The following HMGA2 variants were observed in gnomAD, a reference collection of about 807,000 sequenced individuals.
The protein encoded by HMGA2 is high mobility group protein HMGI-C.
HMGA2 carries 8 observed loss-of-function variants against 19.1 expected under a neutral mutation model. The ratio of observed to expected loss-of-function variants is 0.42; its 90% confidence interval spans 0.25 to 0.76. The LOEUF (loss-of-function observed/expected upper bound fraction) is 0.76. HMGA2 is among the 30% of genes least tolerant of loss of function. HMGA2 has a pLI of 0.28. For missense variants in HMGA2, 109 were observed against 136.3 expected (o/e 0.80, Z 1.00); for synonymous variants, 60 against 48.8 (o/e 1.23, Z -0.96).
At chr12:65,856,660 G>C (rs1003675005) in intron 3 of HMGA2, 1 of 152,352 alleles carries the variant, frequency 6.6e-6, no homozygotes, top group African/African-American at 2.4e-5. Flanking sequence ...GAAACTGGAA[G>C]TCTGACATCA....
intron 3 of HMGA2, among the ~76,000 whole-genome samples, chr12:65,933,074 T>G: frequency 6.6e-6 from 1 of 152,070 alleles, no homozygotes; most frequent in East Asian, 1.9e-4. Context: ...CTTATCACTT[T>G]GAGAAGTTCA....
At chr12:65,900,292 G>T (rs1304627218) in intron 3 of HMGA2, among the ~76,000 whole-genome samples, 10 of 152,106 alleles carry the variant, frequency 6.6e-5, no homozygotes, top group Admixed American at 6.6e-5. Context: ...TGTACATGAA[G>T]ATTTTGTTAA....
chr12:65,941,661 G>C (rs1876095688), intron 3 of HMGA2, among the ~76,000 whole-genome samples: 1 of 152,202 alleles, frequency 6.6e-6, no homozygotes, highest in African/African-American at 2.4e-5. Context: ...TTAAGGAAAA[G>C]AAATGCCTAA....
chr12:65,945,595 G>A (rs754404506), intron 3 of HMGA2, among the ~76,000 whole-genome samples: 8 of 152,172 alleles, frequency 5.3e-5, no homozygotes, highest in Middle Eastern at 3.4e-3. Flanking sequence ...GGGTGAAGAA[G>A]GATATTGTTC....
At chr12:65,865,428 G>A (rs182491654) in intron 3 of HMGA2, among the ~76,000 whole-genome samples, 1 of 152,110 alleles carries the variant, frequency 6.6e-6, no homozygotes. Context: ...AGTAATAATT[G>A]AACATATGTA....
At chr12:65,870,939 G>A (rs1872680444) in intron 3 of HMGA2, among the ~76,000 whole-genome samples, 2 of 152,270 alleles carry the variant, frequency 1.3e-5, no homozygotes, top group South Asian at 4.1e-4. Flanking sequence ...GTGGTAGCAG[G>A]TCACAGGGGC....
At chr12:65,885,668 A>T (rs1873626365) in intron 3 of HMGA2, among the ~76,000 whole-genome samples, 1 of 152,210 alleles carries the variant, frequency 6.6e-6, no homozygotes. Flanking sequence ...TGCACCTGAC[A>T]GCACATGCCA....
At chr12:65,893,588 G>A (rs920503595) in intron 3 of HMGA2, among the ~76,000 whole-genome samples, 1 of 152,200 alleles carries the variant, frequency 6.6e-6, no homozygotes, top group Non-Finnish European at 1.5e-5. Context: ...TAGGGTTTCA[G>A]AGGTAGCGGC....
Position 65,951,395 on chromosome 12 carries a change from G to A in HMGA2, c.262G>A (p.Val88Ile). The A allele has an allele frequency of 6.5e-7, 1 of 1,529,902 alleles. No individual in the cohort carries two copies. Among genetic ancestry groups the A allele is most frequent in the Non-Finnish European group, 8.8e-7 (1 of 1,131,800 alleles). The allele number at this position is 1,529,902 out of a possible 1,614,324, so 94.8% of individuals were successfully genotyped here. Reference sequence around the variant, plus strand: ...TTTTCCTCCTTAGCCACAACAAGTTGTTCAGAAGAAGCCTGCTCAGGTAAG... The same window carrying A: ...TTTTCCTCCTTAGCCACAACAAGTTATTCAGAAGAAGCCTGCTCAGGTAAG... ...GRPRKWPQQV[V>I]QKKPAQEETE... Residue 88 changes from valine to isoleucine, a missense_variant, in exon 4 of 5, where the codon GTT becomes ATT. Transcript: ENST00000403681.
At chr12:65,920,390 A>G (rs1875263261) in intron 3 of HMGA2, among the ~76,000 whole-genome samples, 1 of 152,192 alleles carries the variant, frequency 6.6e-6, no homozygotes, top group Non-Finnish European at 1.5e-5. Context: ...GAAAATCTAG[A>G]ATAAAAAAAG....
intron 3 of HMGA2, among the ~76,000 whole-genome samples, chr12:65,855,252 G>C (rs1386099088): frequency 6.6e-6 from 1 of 152,086 alleles, no homozygotes; most frequent in Non-Finnish European, 1.5e-5. Context: ...TGAGAAAACT[G>C]TCCTGTTAAT....
At chr12:65,873,066 G>T (rs1425799591) in intron 3 of HMGA2, among the ~76,000 whole-genome samples, 1 of 152,116 alleles carries the variant, frequency 6.6e-6, no homozygotes, top group Non-Finnish European at 1.5e-5. Context: ...CGGTGCCCCC[G>T]CCAACCTCTC....
intron 3 of HMGA2, among the ~76,000 whole-genome samples, chr12:65,875,923 GCTT>G (rs992984704): frequency 2.2e-4 from 33 of 152,068 alleles, no homozygotes; most frequent in African/African-American, 7.9e-4. Flanking sequence ...GCTCATCTCT[GCTT>G]CTTCAGCTAT....
At chr12:65,874,380 A>T (rs941088686) in intron 3 of HMGA2, among the ~76,000 whole-genome samples, 2 of 152,140 alleles carry the variant, frequency 1.3e-5, no homozygotes, top group Non-Finnish European at 2.9e-5. Flanking sequence ...AATATATATA[A>T]AAACCTTTAA....
At chr12:65,827,775 A>C (rs1870280758) in intron 1 of HMGA2, among the ~76,000 whole-genome samples, 1 of 152,208 alleles carries the variant, frequency 6.6e-6, no homozygotes, top group Non-Finnish European at 1.5e-5. Context: ...AGTAGAATCT[A>C]GTTTTCATAT....
chr12:65,949,776 C>A (rs1447145570), intron 3 of HMGA2, among the ~76,000 whole-genome samples: 1 of 152,128 alleles, frequency 6.6e-6, no homozygotes, highest in East Asian at 1.9e-4. Flanking sequence ...CACGAAGAAA[C>A]TGAACAAACT....
intron 3 of HMGA2, among the ~76,000 whole-genome samples, chr12:65,850,484 C>G (rs531708319): frequency 6.6e-6 from 1 of 151,338 alleles, no homozygotes; most frequent in African/African-American, 2.4e-5. Context: ...GAGAGCTTGG[C>G]CTTACATAGT....
intron 3 of HMGA2, among the ~76,000 whole-genome samples, chr12:65,917,793 A>C (rs1248470453): frequency 6.6e-6 from 1 of 152,170 alleles, no homozygotes; most frequent in African/African-American, 2.4e-5. Flanking sequence ...TTTCTTTGAC[A>C]TTCATCTTGT....
At chr12:65,833,365 G>C (rs781327652) in intron 2 of HMGA2, among the ~76,000 whole-genome samples, 48 of 151,124 alleles carry the variant, frequency 3.2e-4, no homozygotes, top group Admixed American at 2.0e-3. Flanking sequence ...TGCAAATCAA[G>C]ATACATGCAA....
Sources: allele counts gnomAD v4.1 joint callset (sites outside exome capture counted in the v4.1 genomes callset), GRCh38; gene constraint gnomAD v4.1.1; transcripts MANE v1.5; gene names NCBI Gene and HGNC (gene_info 2026-07-23, HGNC 2026-07-21).